RBFOX1: variants seen among roughly 807,000 people sequenced by gnomAD.
The protein encoded by RBFOX1 is RNA binding protein fox-1 homolog 1.
RBFOX1 carries 8 observed loss-of-function variants against 57.7 expected under a neutral mutation model. That is an observed-to-expected ratio of 0.14 (90% confidence interval 0.08 to 0.25). The LOEUF is 0.25. Among genes scored for constraint, RBFOX1 ranks in the 10% least tolerant of loss-of-function variants. RBFOX1 has a pLI of 1.00. For synonymous variants in RBFOX1, 326 were observed against 222.4 expected (o/e 1.47, Z -4.15); for missense variants, 611 against 548.5 (o/e 1.11, Z -1.14).
intron 1 of RBFOX1, among the ~76,000 whole-genome samples, chr16:6,061,659 A>T (rs2095687833): frequency 6.6e-6 from 1 of 152,084 alleles, no homozygotes; most frequent in African/African-American, 2.4e-5. Flanking sequence ...AATATAAATA[A>T]ATCTCTATGG....
At chr16:7,176,775 T>C (rs938102395) in intron 4 of RBFOX1, among the ~76,000 whole-genome samples, 1 of 152,124 alleles carries the variant, frequency 6.6e-6, no homozygotes, top group East Asian at 1.9e-4. Context: ...ACGACACATA[T>C]AAATAAATAT....
chr16:6,641,890 C>T (rs1298081568), intron 2 of RBFOX1, among the ~76,000 whole-genome samples: 1 of 151,846 alleles, frequency 6.6e-6, no homozygotes, highest in Admixed American at 6.6e-5. Flanking sequence ...ACCTGGGGAA[C>T]ACACACACCA....
At chr16:6,960,313 C>A (rs1328503458) in intron 3 of RBFOX1, among the ~76,000 whole-genome samples, 1 of 152,122 alleles carries the variant, frequency 6.6e-6, no homozygotes, top group African/African-American at 2.4e-5. Context: ...TCACTTACGT[C>A]TTTAGACGAA....
chr16:6,662,284 TCACA>T (rs764194490), intron 3 of RBFOX1, among the ~76,000 whole-genome samples: 4 of 151,724 alleles, frequency 2.6e-5, no homozygotes, highest in Admixed American at 1.3e-4. Flanking sequence ...TCAACTGTTC[TCACA>T]CACACACAAG....
At chr16:6,826,909 A>G (rs1459847598) in intron 3 of RBFOX1, among the ~76,000 whole-genome samples, 2 of 152,184 alleles carry the variant, frequency 1.3e-5, no homozygotes, top group Non-Finnish European at 1.5e-5. Flanking sequence ...TAAAATCTGA[A>G]TCTCTGATGT....
chr16:6,710,650 A>G lies in RBFOX1; in HGVS notation c.-16+56000A>G, dbSNP rs182949871. ...CAGCAAGGGAAGAAAAATTGTCTCA[A>G]GTATGGCTGAATCCAGAAACACACC... On this transcript the variant is annotated intron_variant, in intron 3 of 15. Transcript: ENST00000550418. 1.2e-3 allele frequency among the ~76,000 whole-genome samples: 183 copies of G among 152,390 alleles called. 1 individual carries two copies. Among genetic ancestry groups the G allele is most frequent in the African/African-American group, 3.6e-3 (148 of 41,594 alleles).
At chr16:6,678,903 C>G (rs929661251) in intron 3 of RBFOX1, among the ~76,000 whole-genome samples, 4 of 152,116 alleles carry the variant, frequency 2.6e-5, no homozygotes, top group Non-Finnish European at 5.9e-5. Context: ...TTCCACCCTT[C>G]TTACATGAAG....
intron 3 of RBFOX1, among the ~76,000 whole-genome samples, chr16:5,833,782 G>C (rs1386064027): frequency 6.7e-6 from 1 of 149,496 alleles, no homozygotes; most frequent in African/African-American, 2.5e-5. Context: ...TTTCTACTTA[G>C]TTAGCCCTTT....
At chr16:6,956,810 G>C (rs1402998472) in intron 3 of RBFOX1, among the ~76,000 whole-genome samples, 1 of 152,200 alleles carries the variant, frequency 6.6e-6, no homozygotes, top group African/African-American at 2.4e-5. Flanking sequence ...TGCAGACAGA[G>C]AGCAGCTGGG....
intron 1 of RBFOX1, among the ~76,000 whole-genome samples, chr16:6,034,440 G>T (rs2095337251): frequency 6.6e-6 from 1 of 151,718 alleles, no homozygotes; most frequent in Non-Finnish European, 1.5e-5. Context: ...TCAAGGTGTG[G>T]CAAGTTCAAT....
At chr16:6,452,406 C>T (rs1295103436) in intron 2 of RBFOX1, among the ~76,000 whole-genome samples, 2 of 150,422 alleles carry the variant, frequency 1.3e-5, no homozygotes, top group Admixed American at 1.3e-4. Context: ...CCATAACTCT[C>T]TTCCTTCCAC....
At chr16:7,109,401 A>C (rs1386257818) in intron 4 of RBFOX1, among the ~76,000 whole-genome samples, 2 of 152,142 alleles carry the variant, frequency 1.3e-5, no homozygotes, top group Non-Finnish European at 2.9e-5. Flanking sequence ...TGAGTTACCA[A>C]CTGCCTCTCA....
intron 2 of RBFOX1, among the ~76,000 whole-genome samples, chr16:5,541,116 C>T (rs1009803985): frequency 1.3e-5 from 2 of 152,154 alleles, no homozygotes; most frequent in Admixed American, 6.5e-5. Context: ...TCCCAAAGTG[C>T]TGGGATTACA....
In RBFOX1 at chr16:6,019,944, G is replaced by A. The variant is rs191036701; in HGVS notation, c.-175G>A. 859 of 1,533,944 alleles carry A rather than the reference G, an allele frequency of 5.6e-4. 3 individuals carry two copies. Among genetic ancestry groups the A allele is most frequent in the African/African-American group, 3.0e-3 (216 of 73,102 alleles). On this transcript the variant is annotated 5_prime_UTR_variant, in exon 1 of 16. Transcript: ENST00000550418. This position sits in a 1 kb window ranked among gnomAD's most constrained non-coding sequence, Gnocchi z 4.2. ...TGCAGAGAGCGCACGGGAATTCGGGGGTCTGGGGCCGAGAACGTGACCGCA... is the reference window on the plus strand; with the variant it reads ...TGCAGAGAGCGCACGGGAATTCGGGAGTCTGGGGCCGAGAACGTGACCGCA...
At chr16:6,763,733 A>T (rs2076950707) in intron 3 of RBFOX1, among the ~76,000 whole-genome samples, 1 of 152,210 alleles carries the variant, frequency 6.6e-6, no homozygotes, top group African/African-American at 2.4e-5. Context: ...TAGCACGTTT[A>T]TCATTCCAAA....
At chr16:5,356,660 T>A (rs912387769) in intron 1 of RBFOX1, among the ~76,000 whole-genome samples, 4 of 152,184 alleles carry the variant, frequency 2.6e-5, no homozygotes, top group African/African-American at 9.7e-5. Context: ...AAATGGAAAT[T>A]AATAGTATCA....
intron 4 of RBFOX1, among the ~76,000 whole-genome samples, chr16:5,942,423 C>A (rs2059301530): frequency 6.6e-6 from 1 of 152,202 alleles, no homozygotes; most frequent in East Asian, 1.9e-4. Flanking sequence ...ATTTGGTTGT[C>A]AGAAATGCAA....
intron 4 of RBFOX1, among the ~76,000 whole-genome samples, chr16:6,011,633 T>C (rs983201091): frequency 6.6e-6 from 1 of 152,192 alleles, no homozygotes; most frequent in African/African-American, 2.4e-5. Context: ...ATTTTTACTC[T>C]TCTGCACAAG....
At chr16:6,895,452 A>ATATATATATATG (rs1567761330) in intron 3 of RBFOX1, among the ~76,000 whole-genome samples, 1 of 66,020 alleles carries the variant, frequency 1.5e-5, no homozygotes, top group African/African-American at 7.3e-5. Context: ...GTGTGTGTAT[A>ATATATATATATG]TATATATATA....
Sources: allele counts gnomAD v4.1 joint callset (sites outside exome capture counted in the v4.1 genomes callset), GRCh38; gene constraint gnomAD v4.1.1; non-coding constraint Gnocchi (gnomAD v3.1); transcripts MANE v1.5; gene names NCBI Gene and HGNC (gene_info 2026-07-23, HGNC 2026-07-21).